Variants in ICE2 observed in about 807,000 individuals in gnomAD.
ICE2 encodes interactor of little elongation complex ELL subunit 2.
Under a neutral mutation model 105.4 loss-of-function variants are expected in ICE2, and 87 were observed. That is an observed-to-expected ratio of 0.83 (90% confidence interval 0.69 to 0.99). The LOEUF (loss-of-function observed/expected upper bound fraction) is 0.99. Among genes scored for constraint, ICE2 ranks in the 50% least tolerant of loss-of-function variants. The pLI, the probability that ICE2 is intolerant of heterozygous loss-of-function variation, is 0.00. For synonymous variants in ICE2, 399 were observed against 392.0 expected, an observed-to-expected ratio of 1.02 and a Z score of -0.21; for missense variants, 1,323 against 1,146.7, an observed-to-expected ratio of 1.15 and a Z score of -2.22.
chr15:60,423,544 T>G lies in ICE2; in HGVS notation c.*90A>C. 2.4e-6 allele frequency: 3 copies of G among 1,262,612 alleles called. No homozygotes were observed. In the South Asian group the frequency reaches 4.8e-5, roughly 20 times the overall value. 78.2% of individuals were successfully genotyped at this position (1,262,612 alleles called of 1,614,324 possible). A position where few individuals can be genotyped will look rare whatever the true frequency, so the allele number is the denominator to read the frequency against. On this transcript the variant is annotated 3_prime_UTR_variant, in exon 16 of 16. Transcript: ENST00000261520. ...CTAGCTACTACAGGAAAAATGTTCC[T>G]CTTGCCTACTGATTATTTTCCCTCA...
intron 5 of ICE2, 79 bp from the exon 6 acceptor site, chr15:60,456,873 AT>A: frequency 1.2e-6 from 1 of 803,724 alleles, no homozygotes; most frequent in Non-Finnish European, 1.8e-6. Flanking sequence ...ACATGTGACT[AT>A]GTAATTATTC....
chr15:60,460,460 T>TG (rs1457607034), intron 5 of ICE2, among the ~76,000 whole-genome samples: 3 of 152,238 alleles, frequency 2.0e-5, no homozygotes, highest in African/African-American at 7.2e-5. Context: ...ATCACGCCAC[T>TG]GTACTGCAGC....
In ICE2 at chr15:60,449,175, T is replaced by G. The variant is rs1328903101; in HGVS notation, c.1792A>C (p.Asn598His). 2 of 1,614,128 alleles carry G rather than the reference T, an allele frequency of 1.2e-6. No homozygotes were observed. Among genetic ancestry groups the G allele is most frequent in the East Asian group, 4.5e-5 (2 of 44,874 alleles). The change falls in exon 10 of 16, where the codon AAC becomes CAC. Residue 598 changes from asparagine to histidine, a missense_variant. Asn to His is a moderately conservative substitution (Grantham distance 68, BLOSUM62 1). Transcript: ENST00000261520. ...SDGKTAVVGS[N>H]LSSRPASPNS... ...GGACTAGCTGGTCTGGAACTTAAGTTAGAACCCACAACAGCTGTCTTTCCA... is the reference window on the plus strand; with the variant it reads ...GGACTAGCTGGTCTGGAACTTAAGTGAGAACCCACAACAGCTGTCTTTCCA...
At chr15:60,468,390 G>T in intron 3 of ICE2, 68 bp from the exon 4 acceptor site, 1 of 1,233,118 alleles carries the variant, frequency 8.1e-7, no homozygotes, top group South Asian at 1.4e-5. Flanking sequence ...GGAACTTCAT[G>T]ATTCTCAATC....
chr15:60,465,032 C>CA (rs2064383455), intron 5 of ICE2, among the ~76,000 whole-genome samples: 1 of 152,150 alleles, frequency 6.6e-6, no homozygotes, highest in Admixed American at 6.6e-5. Flanking sequence ...AAGGCACTAT[C>CA]AAAACAAGAA....
chr15:60,476,624 T>G (rs1406090355), intron 2 of ICE2, among the ~76,000 whole-genome samples: 1 of 152,238 alleles, frequency 6.6e-6, no homozygotes, highest in Non-Finnish European at 1.5e-5. Flanking sequence ...CTAAATAGCC[T>G]AGCTATTTTG....
intron 11 of ICE2, among the ~76,000 whole-genome samples, chr15:60,447,095 A>G (rs963400707): frequency 2.0e-5 from 3 of 152,218 alleles, no homozygotes; most frequent in African/African-American, 7.2e-5. Context: ...TTGCAGCAAT[A>G]CATTTTTTTT....
chr15:60,449,338 A>G lies in ICE2; in HGVS notation c.1629T>C (p.Asn543=). 5.6e-6 allele frequency: 9 copies of G among 1,613,276 alleles called. No individual in the cohort carries two copies. Among genetic ancestry groups the G allele is most frequent in the Non-Finnish European group, 7.6e-6 (9 of 1,179,998 alleles). ...TTGAGTTGTCTAGGTTTTCTAGAACATTAGGTCTTTCACCATCAGCATGTA... is the reference window on the plus strand; with the variant it reads ...TTGAGTTGTCTAGGTTTTCTAGAACGTTAGGTCTTTCACCATCAGCATGTA... ...DILHADGERP[N]VLENLDNSKE... Residue 543 remains asparagine (N), a synonymous_variant, in exon 10 of 16, where the codon AAT becomes AAC. Transcript: ENST00000261520.
intron 11 of ICE2, among the ~76,000 whole-genome samples, chr15:60,446,844 T>C (rs2063833221): frequency 6.6e-6 from 1 of 152,146 alleles, no homozygotes; most frequent in Admixed American, 6.5e-5. Flanking sequence ...GTGGGTTAGA[T>C]AACAAGAGAC....
At chr15:60,433,115 C>G (rs1413534199) in intron 13 of ICE2, among the ~76,000 whole-genome samples, 1 of 150,736 alleles carries the variant, frequency 6.6e-6, no homozygotes, top group Non-Finnish European at 1.5e-5. Flanking sequence ...GACAGAGTCT[C>G]GCTCTGTCGC....
chr15:60,450,060 GC>G (rs1566988111), intron 9 of ICE2, among the ~76,000 whole-genome samples: 1 of 152,098 alleles, frequency 6.6e-6, no homozygotes, highest in Non-Finnish European at 1.5e-5. Context: ...AGGCAAATTT[GC>G]CAAGTTATAA....
intron 9 of ICE2, chr15:60,452,090 A>G (rs2063980129): frequency 1.0e-6 from 1 of 985,164 alleles, no homozygotes; most frequent in Non-Finnish European, 1.2e-6. Flanking sequence ...AACCTACCTC[A>G]TGTTTCTTCT....
At chr15:60,434,835 T>C (rs1269249315) in intron 13 of ICE2, among the ~76,000 whole-genome samples, 1 of 152,174 alleles carries the variant, frequency 6.6e-6, no homozygotes, top group Non-Finnish European at 1.5e-5. Context: ...AATACCATAG[T>C]AGAGAAATTA....
At chr15:60,460,312 C>A (rs1044960635) in intron 5 of ICE2, among the ~76,000 whole-genome samples, 1 of 152,192 alleles carries the variant, frequency 6.6e-6, no homozygotes, top group Non-Finnish European at 1.5e-5. Context: ...GCCTGGCCAA[C>A]ATGGTGAAAT....
intron 9 of ICE2, chr15:60,451,252 G>T (rs1216094073): frequency 6.5e-6 from 4 of 618,016 alleles, no homozygotes; most frequent in Non-Finnish European, 8.1e-6. Flanking sequence ...ATATATGAAA[G>T]ATTGAAAATA....
rs190077998 is a variant in ICE2 at position 60,453,507 on chromosome 15, T to G, written c.1125+96A>C. 2.0e-5 allele frequency: 30 copies of G among 1,506,500 alleles called. 1 individual carries two copies. Among genetic ancestry groups the G allele is most frequent in the Middle Eastern group, 2.5e-4 (1 of 4,066 alleles). The allele number at this position is 1,506,500 out of a possible 1,614,324, so 93.3% of individuals were successfully genotyped here. A position where few individuals can be genotyped will look rare whatever the true frequency, so the allele number is the denominator to read the frequency against. Reference sequence around the variant, plus strand: ...TCAGTTTGAATCTAAAGCCTGTATTTTTAACTACTAGGTTTAGGGATTTGC... The same window carrying G: ...TCAGTTTGAATCTAAAGCCTGTATTGTTAACTACTAGGTTTAGGGATTTGC... On this transcript the variant is annotated intron_variant, in intron 9 of 15. Transcript: ENST00000261520.
In ICE2 at chr15:60,477,292, G is replaced by T. The variant is rs574529104; in HGVS notation, c.41+645C>A. 2.6e-5 allele frequency among the ~76,000 whole-genome samples: 4 copies of T among 152,238 alleles called. No homozygotes were observed. In the South Asian group the frequency reaches 8.3e-4, roughly 32 times the overall value. On this transcript the variant is annotated intron_variant, in intron 2 of 15. Transcript: ENST00000261520. ...AGGGATTGTGAGCTCCCTGGGGATG[G>T]GAGTGTTGTTAGCAATAAACAAATA...
rs2063237148 is a variant in ICE2, at chr15:60,420,948, A to T, written c.*2686T>A. The T allele has an allele frequency of 6.7e-6, 1 of 149,860 alleles. No homozygotes were observed. Among genetic ancestry groups the T allele is most frequent in the African/African-American group, 2.4e-5 (1 of 41,168 alleles). 9.3% of individuals were successfully genotyped at this position (149,860 alleles called of 1,614,324 possible). A position where few individuals can be genotyped will look rare whatever the true frequency, so the allele number is the denominator to read the frequency against. ...TTTATTACTTAATGGTGAACAAAACAAATATGCCCCTGTCCTTGCAGAGCT... is the reference window on the plus strand; with the variant it reads ...TTTATTACTTAATGGTGAACAAAACTAATATGCCCCTGTCCTTGCAGAGCT... On this transcript the variant is annotated 3_prime_UTR_variant, in exon 16 of 16. Transcript: ENST00000261520.
chr15:60,468,225 T>G lies in ICE2; in HGVS notation c.244A>C (p.Ile82Leu), dbSNP rs753709361. Residue 82 changes from isoleucine (I) to leucine (L), a missense_variant, in exon 4 of 16, where the codon ATT becomes CTT. Ile to Leu is a conservative substitution (Grantham distance 5). Coordinates refer to ENST00000261520, the MANE Select transcript of ICE2 (RefSeq NM_024611.6). Reference sequence around the variant, plus strand: ...GGTTTTGGAAGAAGAACCATTCCAATTGTGGTTTTAACTTTTTCCTTTGCT... The same window carrying G: ...GGTTTTGGAAGAAGAACCATTCCAAGTGTGGTTTTAACTTTTTCCTTTGCT... Reference protein sequence around the residue: ...TQAKEKVKTTIGMVLLPKPRV... With the variant: ...TQAKEKVKTTLGMVLLPKPRV... 2.5e-6 allele frequency: 4 copies of G among 1,613,952 alleles called. No homozygotes were observed. Among genetic ancestry groups the G allele is most frequent in the Admixed American group, 1.7e-5 (1 of 60,010 alleles).
Sources: gnomAD v4.1 joint callset for allele counts (sites outside exome capture counted in the v4.1 genomes callset) on GRCh38, gnomAD v4.1.1 for gene constraint, MANE v1.5 for transcripts, NCBI Gene and HGNC (gene_info 2026-07-23, HGNC 2026-07-21) for gene names.